OSBPL10: variants seen among roughly 807,000 people sequenced by gnomAD.
The protein encoded by OSBPL10 is oxysterol-binding protein-related protein 10.
A neutral mutation model predicts 81.7 loss-of-function variants in OSBPL10; 49 were observed. The observed-to-expected ratio is 0.60, with a 90% CI of 0.48 to 0.76. The LOEUF (loss-of-function observed/expected upper bound fraction) is 0.76. Among genes scored for constraint, OSBPL10 ranks in the 30% least tolerant of loss-of-function variants. The pLI, the probability that OSBPL10 is intolerant of heterozygous loss-of-function variation, is 0.00. For missense variants in OSBPL10, 923 were observed against 987.8 expected, an observed-to-expected ratio of 0.93 and a Z score of 0.88; for synonymous variants, 419 against 383.6, an observed-to-expected ratio of 1.09 and a Z score of -1.08.
intron 4 of OSBPL10, among the ~76,000 whole-genome samples, chr3:31,786,907 G>C (rs1698874783): frequency 6.6e-6 from 1 of 152,170 alleles, no homozygotes; most frequent in African/African-American, 2.4e-5. Flanking sequence ...TAATCTGGCA[G>C]ACACAGATCT....
intron 1 of OSBPL10, among the ~76,000 whole-genome samples, chr3:31,930,527 G>C (rs1366375981): frequency 6.6e-6 from 1 of 152,192 alleles, no homozygotes; most frequent in Non-Finnish European, 1.5e-5. Context: ...TTGCAATGTA[G>C]ATTGCTTGTA....
intron 6 of OSBPL10, among the ~76,000 whole-genome samples, chr3:31,706,563 A>G (rs1696071133): frequency 6.6e-6 from 1 of 151,908 alleles, no homozygotes; most frequent in African/African-American, 2.4e-5. Context: ...AAGGAGATAT[A>G]TGGGGCTATG....
chr3:32,036,588 GA>G (rs1177275597), intron 2 of OSBPL10, among the ~76,000 whole-genome samples: 1 of 152,160 alleles, frequency 6.6e-6, no homozygotes, highest in African/African-American at 2.4e-5. Context: ...TGAAAGGAGT[GA>G]TAGATAAGGA....
intron 1 of OSBPL10, among the ~76,000 whole-genome samples, chr3:32,054,681 G>C (rs904761052): frequency 2.0e-5 from 3 of 151,904 alleles, no homozygotes; most frequent in Non-Finnish European, 1.5e-5. Flanking sequence ...ACGGGGGCGG[G>C]CCACTACGCC....
chr3:32,012,539 G>A (rs1699271707), intron 2 of OSBPL10, among the ~76,000 whole-genome samples: 2 of 152,094 alleles, frequency 1.3e-5, no homozygotes, highest in African/African-American at 4.8e-5. Context: ...ATCAACTAAC[G>A]AGCAAAATAA....
At chr3:31,690,850 T>C (rs1432588340) in intron 7 of OSBPL10, among the ~76,000 whole-genome samples, 3 of 152,168 alleles carry the variant, frequency 2.0e-5, no homozygotes, top group Non-Finnish European at 4.4e-5. Context: ...ATGTCATACT[T>C]TTCATTAAAA....
intron 7 of OSBPL10, among the ~76,000 whole-genome samples, chr3:31,698,069 T>G (rs916616622): frequency 1.3e-5 from 2 of 151,986 alleles, no homozygotes; most frequent in Non-Finnish European, 2.9e-5. Context: ...GCCAGCTTCC[T>G]TCTCTCTTCT....
chr3:31,949,698 A>AAAG (rs1697814336), intron 1 of OSBPL10, among the ~76,000 whole-genome samples: 2 of 139,968 alleles, frequency 1.4e-5, no homozygotes, highest in African/African-American at 2.6e-5. Context: ...AAAAAAAAAA[A>AAAG]AAGGATACTG....
At chr3:31,819,663 G>A (rs1228565677) in intron 4 of OSBPL10, among the ~76,000 whole-genome samples, 1 of 152,186 alleles carries the variant, frequency 6.6e-6, no homozygotes, top group African/African-American at 2.4e-5. Flanking sequence ...ATTGGCACCT[G>A]GTATGATAGT....
chr3:31,824,822 C>A (rs1236790707), intron 4 of OSBPL10, among the ~76,000 whole-genome samples: 3 of 152,146 alleles, frequency 2.0e-5, no homozygotes, highest in African/African-American at 4.8e-5. Context: ...GGTATATCAT[C>A]CCATCTCACT....
At chr3:31,759,912 A>C (rs566908166) in intron 4 of OSBPL10, among the ~76,000 whole-genome samples, 1 of 152,096 alleles carries the variant, frequency 6.6e-6, no homozygotes, top group South Asian at 2.1e-4. Flanking sequence ...GGCATACACC[A>C]CAACACCTGG....
At chr3:31,917,064 T>A (rs746364628) in intron 1 of OSBPL10, among the ~76,000 whole-genome samples, 1 of 152,206 alleles carries the variant, frequency 6.6e-6, no homozygotes, top group Non-Finnish European at 1.5e-5. Context: ...ACTTCCCTTG[T>A]GCACATCAAT....
At chr3:32,011,014 G>A (rs59244525) in intron 2 of OSBPL10, among the ~76,000 whole-genome samples, 3,155 of 152,282 alleles carry the variant, frequency 0.021, 106 homozygotes, top group East Asian at 0.15. Flanking sequence ...CACCTCTGGG[G>A]GCAAGGCATA....
chr3:31,923,549 G>A (rs1559519663), intron 1 of OSBPL10, among the ~76,000 whole-genome samples: 1 of 152,110 alleles, frequency 6.6e-6, no homozygotes, highest in Non-Finnish European at 1.5e-5. Flanking sequence ...CAGCACTTTG[G>A]GAAGCCAAGG....
At position 31,768,477 on chromosome 3, in the gene OSBPL10, C is replaced by T. The variant is rs17028276; in HGVS notation, c.730-20357G>A. Among the ~76,000 whole-genome samples, 434 of 152,232 alleles carry T rather than the reference C, an allele frequency of 2.9e-3. 2 individuals carry two copies. The highest frequency in any genetic ancestry group is 9.6e-3 in the African/African-American group (400 of 41,526). On this transcript the variant is annotated intron_variant, in intron 4 of 11. Coordinates refer to ENST00000396556, the MANE Select transcript of OSBPL10 (RefSeq NM_017784.5). Reference sequence around the variant, plus strand: ...GTACTATTAATTCACCACCTTTAAACGAAGCTTTTAGAAAATGTGTAATAT... The same window carrying T: ...GTACTATTAATTCACCACCTTTAAATGAAGCTTTTAGAAAATGTGTAATAT...
intron 5 of OSBPL10, among the ~76,000 whole-genome samples, chr3:31,736,371 G>T (rs1291977652): frequency 6.6e-6 from 1 of 152,090 alleles, no homozygotes; most frequent in African/African-American, 2.4e-5. Context: ...TTTTTAAAAG[G>T]TAAAAACTCA....
chr3:31,670,342 AT>A (rs1253200571), intron 9 of OSBPL10, among the ~76,000 whole-genome samples: 1 of 152,220 alleles, frequency 6.6e-6, no homozygotes, highest in Non-Finnish European at 1.5e-5. Flanking sequence ...CTCTCCTTCA[AT>A]TACTTAGGCT....
intron 2 of OSBPL10, among the ~76,000 whole-genome samples, chr3:32,036,482 A>G (rs542446105): frequency 7.2e-5 from 11 of 152,320 alleles, no homozygotes; most frequent in African/African-American, 2.4e-4. Context: ...AGGTTTTCCA[A>G]TTCCTCCAGA....
chr3:31,932,954 G>T (rs761876979), intron 1 of OSBPL10, among the ~76,000 whole-genome samples: 1 of 151,846 alleles, frequency 6.6e-6, no homozygotes, highest in Admixed American at 6.6e-5. Context: ...ACTTGAAAAG[G>T]TTCAATTTTA....
Sources: gnomAD v4.1 joint callset for allele counts (sites outside exome capture counted in the v4.1 genomes callset) on GRCh38, gnomAD v4.1.1 for gene constraint, MANE v1.5 for transcripts, NCBI Gene and HGNC (gene_info 2026-07-23, HGNC 2026-07-21) for gene names.